TPTE: variants seen among roughly 807,000 people sequenced by gnomAD.
TPTE encodes putative tyrosine-protein phosphatase TPTE.
In TPTE, 59 loss-of-function variants were observed where a neutral mutation model predicts 84.1. That is an observed-to-expected ratio of 0.70 (90% CI 0.57 to 0.87). TPTE has a LOEUF of 0.87. Ranked by LOEUF, TPTE falls within the 40% of genes least tolerant of loss-of-function variation. TPTE has a pLI of 0.00. For missense variants in TPTE, 382 were observed against 659.6 expected (o/e 0.58, Z 4.61); for synonymous variants, 130 against 223.5 (o/e 0.58, Z 3.73).
chr21:10,574,451 G>C (rs1376982831), intron 14 of TPTE, among the ~76,000 whole-genome samples: 2 of 152,310 alleles, frequency 1.3e-5, no homozygotes, highest in Non-Finnish European at 2.9e-5. Context: ...TAAACCAAGG[G>C]CTATAGGAAT....
At chr21:10,555,908 T>A (rs1462051825) in intron 8 of TPTE, among the ~76,000 whole-genome samples, 1 of 152,308 alleles carries the variant, frequency 6.6e-6, no homozygotes, top group Non-Finnish European at 1.5e-5. Flanking sequence ...GCAACCTGCC[T>A]TTACTTCTAT....
At chr21:10,581,867 T>G (rs2075277054) in intron 17 of TPTE, among the ~76,000 whole-genome samples, 1 of 152,306 alleles carries the variant, frequency 6.6e-6, no homozygotes, top group African/African-American at 2.4e-5. Context: ...TCTGAGTAAG[T>G]GGGACTACAG....
intron 3 of TPTE, among the ~76,000 whole-genome samples, chr21:10,532,385 A>T (rs1413163479): frequency 6.6e-6 from 1 of 152,298 alleles, no homozygotes; most frequent in Non-Finnish European, 1.5e-5. Flanking sequence ...TTGGATATTC[A>T]CTCTGTTTGT....
At chr21:10,539,001 C>T (rs1464443780) in intron 4 of TPTE, among the ~76,000 whole-genome samples, 8 of 152,308 alleles carry the variant, frequency 5.3e-5, no homozygotes, top group Admixed American at 2.0e-4. Context: ...CAATTCTTCT[C>T]CTAGTAGCCT....
chr21:10,603,364 C>A (rs1233628250), intron 22 of TPTE, among the ~76,000 whole-genome samples, 198 bp from the exon 23 acceptor site: 1 of 152,306 alleles, frequency 6.6e-6, no homozygotes, highest in Non-Finnish European at 1.5e-5. Context: ...ATAGAAACAG[C>A]AAGAGAATGC....
chr21:10,555,665 TTATC>T (rs1443576745), intron 8 of TPTE, among the ~76,000 whole-genome samples: 1 of 152,310 alleles, frequency 6.6e-6, no homozygotes, highest in African/African-American at 2.4e-5. Context: ...TTGGTTTTAT[TTATC>T]ATCTTTTTCT....
At chr21:10,562,784 G>T in intron 10 of TPTE, among the ~76,000 whole-genome samples, 1 of 152,422 alleles carries the variant, frequency 6.6e-6, no homozygotes, top group Non-Finnish European at 1.5e-5. Context: ...AGCCTCAAAA[G>T]GACAAATCTA....
intron 23 of TPTE, among the ~76,000 whole-genome samples, chr21:10,604,878 T>C (rs1218735839): frequency 6.6e-6 from 1 of 152,308 alleles, no homozygotes; most frequent in African/African-American, 2.4e-5. Flanking sequence ...GCTGTTTTTG[T>C]TATGAGATTG....
At chr21:10,544,115 A>C (rs1458885863) in intron 7 of TPTE, among the ~76,000 whole-genome samples, 1 of 152,298 alleles carries the variant, frequency 6.6e-6, no homozygotes, top group Non-Finnish European at 1.5e-5. Flanking sequence ...ATAAATCATA[A>C]AGGTGTAAGT....
intron 3 of TPTE, among the ~76,000 whole-genome samples, chr21:10,530,906 C>G (rs2074165853): frequency 6.6e-6 from 1 of 152,428 alleles, no homozygotes; most frequent in South Asian, 2.1e-4. Flanking sequence ...TATGTGATAA[C>G]TTATGAATTT....
Position 10,605,567 on chromosome 21 carries a change from TC to T in TPTE, c.*19del. On this transcript the variant is annotated 3_prime_UTR_variant, in exon 24 of 24. Transcript: ENST00000618007. ...GATCCGATTAAGTATAGCTCCCCCT[TC>T]CCCTTCTGGGAAAGAATTATGTTCT... 1 of 1,613,986 alleles carries T rather than the reference TC, an allele frequency of 6.2e-7. No homozygotes were observed.
chr21:10,564,509 CAAAA>C (rs1339198027), intron 10 of TPTE, among the ~76,000 whole-genome samples: 1 of 152,304 alleles, frequency 6.6e-6, no homozygotes, highest in Non-Finnish European at 1.5e-5. Context: ...GATTCAGTCT[CAAAA>C]AGAATAAAAA....
chr21:10,527,998 A>G (rs983439440), intron 3 of TPTE, among the ~76,000 whole-genome samples: 5 of 152,296 alleles, frequency 3.3e-5, no homozygotes, highest in East Asian at 3.8e-4. Context: ...GCTGCCACAC[A>G]TGATGATCAG....
chr21:10,531,987 C>A (rs375414802), intron 3 of TPTE, among the ~76,000 whole-genome samples: 2 of 152,428 alleles, frequency 1.3e-5, no homozygotes, highest in Non-Finnish European at 1.5e-5. Context: ...TATCTCTGAG[C>A]TCAATATTTT....
intron 7 of TPTE, among the ~76,000 whole-genome samples, chr21:10,549,690 G>C (rs1286970556): frequency 1.3e-5 from 2 of 152,312 alleles, no homozygotes; most frequent in Non-Finnish European, 2.9e-5. Flanking sequence ...AGGATTTATG[G>C]GACACCATTA....
At chr21:10,535,232 G>A (rs1485679951) in intron 3 of TPTE, among the ~76,000 whole-genome samples, 2 of 152,304 alleles carry the variant, frequency 1.3e-5, no homozygotes, top group Non-Finnish European at 2.9e-5. Context: ...AGCCAATTGA[G>A]TTGATGGTAG....
chr21:10,581,253 C>A (rs2075266207), intron 17 of TPTE, among the ~76,000 whole-genome samples: 1 of 152,310 alleles, frequency 6.6e-6, no homozygotes, highest in South Asian at 2.1e-4. Context: ...TTGAAATTGC[C>A]AGTTTTTAAC....
intron 2 of TPTE, among the ~76,000 whole-genome samples, 179 bp from the exon 3 acceptor site, chr21:10,527,176 C>CACAG (rs2074096211): frequency 1.3e-5 from 2 of 151,978 alleles, no homozygotes; most frequent in African/African-American, 4.8e-5. Context: ...CACACAGACA[C>CACAG]ACACACACAC....
chr21:10,547,235 G>A (rs1193843467), intron 7 of TPTE, among the ~76,000 whole-genome samples: 1 of 151,864 alleles, frequency 6.6e-6, no homozygotes, highest in Non-Finnish European at 1.5e-5. Context: ...AGAAAGAACC[G>A]AGGCAAGAAA....
Sources: gnomAD v4.1 joint callset for allele counts (sites outside exome capture counted in the v4.1 genomes callset) on GRCh38, gnomAD v4.1.1 for gene constraint, MANE v1.5 for transcripts, NCBI Gene and HGNC (gene_info 2026-07-23, HGNC 2026-07-21) for gene names.